Variants in SLC22A11 observed in about 807,000 individuals in gnomAD.
The protein encoded by SLC22A11 is organic anion transporter 4.
In SLC22A11, 42 loss-of-function variants were observed where a neutral mutation model predicts 49.4. The observed-to-expected ratio is 0.85, with a 90% confidence interval of 0.66 to 1.10. SLC22A11 has a LOEUF of 1.10. Ranked by LOEUF, SLC22A11 falls within the 50% of genes least tolerant of loss-of-function variation. The pLI, the probability that SLC22A11 is intolerant of heterozygous loss-of-function variation, is 0.00. For synonymous variants in SLC22A11, 304 were observed against 315.8 expected, an observed-to-expected ratio of 0.96 and a Z score of 0.40; for missense variants, 685 against 731.6, an observed-to-expected ratio of 0.94 and a Z score of 0.74.
chr11:64,568,654 C>A lies in SLC22A11; in HGVS notation c.1274-16C>A. 1 of 1,611,594 alleles carries A rather than the reference C, an allele frequency of 6.2e-7. No individual in the cohort carries two copies. The highest frequency in any genetic ancestry group is 8.5e-7 in the Non-Finnish European group (1 of 1,177,738). ...CTCCAGGGCAAACCCCACTCTCACC[C>A]CCTTCCTGTACCCAGATTTGCAGAC... is the stretch of plus-strand genomic sequence containing the variant. On this transcript the variant is annotated splice_polypyrimidine_tract_variant and intron_variant, in intron 7 of 9. Coordinates refer to ENST00000301891, the MANE Select transcript of SLC22A11 (RefSeq NM_018484.4).
chr11:64,561,610 T>C (rs1426569051), intron 2 of SLC22A11, among the ~76,000 whole-genome samples: 1 of 108,830 alleles, frequency 9.2e-6, no homozygotes, highest in East Asian at 2.2e-4. Flanking sequence ...CTAATTTATT[T>C]ATTTATTTAT....
In SLC22A11 at chr11:64,565,299, C is replaced by G; in HGVS notation, c.1020C>G (p.Pro340=). 1 of 1,550,878 alleles carries G rather than the reference C, an allele frequency of 6.4e-7. No individual in the cohort carries two copies. The highest frequency in any genetic ancestry group is 1.4e-5 in the African/African-American group (1 of 73,170). The stretch of plus-strand genomic sequence containing the variant: ...CGGTGCTGGACCTGTTCTGCGTGCC[C>G]GTGCTCCGCTGGAGGAGCTGCGCCA... ...PRSVLDLFCV[P]VLRWRSCAML... The change falls in exon 6 of 10, where the codon CCC becomes CCG. Residue 340 remains proline, a synonymous_variant. Coordinates refer to ENST00000301891, the MANE Select transcript of SLC22A11 (RefSeq NM_018484.4). This position sits in a 1 kb window ranked among gnomAD's most constrained non-coding sequence, Gnocchi z 4.1.
chr11:64,568,106 C>A (rs2038653420), intron 7 of SLC22A11, among the ~76,000 whole-genome samples: 1 of 152,228 alleles, frequency 6.6e-6, no homozygotes, highest in Non-Finnish European at 1.5e-5. Flanking sequence ...ACGGAGGCGG[C>A]CGGGGCCCTG....
chr11:64,559,259 C>T, intron 2 of SLC22A11, 21 bp downstream of exon 2: 1 of 1,507,228 alleles, frequency 6.6e-7, no homozygotes, highest in Non-Finnish European at 9.0e-7. Context: ...CCGCTCCTCC[C>T]AGCCCCCAGC....
chr11:64,556,430 T>A (rs1469189075), intron 1 of SLC22A11, 38 bp downstream of exon 1: 2 of 1,600,226 alleles, frequency 1.2e-6, no homozygotes, highest in South Asian at 1.1e-5. Context: ...TCCCGTCACC[T>A]TGGAGGTCAG....
rs1394817653 is a variant in SLC22A11 at position 64,565,690 on chromosome 11, G to A, written c.1058+353G>A. ...CCGAGGAGTACCACTGTGTGTCATCGTTAGAGACTTACCACTTTCCTAGAG... is the reference window on the plus strand; with the variant it reads ...CCGAGGAGTACCACTGTGTGTCATCATTAGAGACTTACCACTTTCCTAGAG... On this transcript the variant is annotated intron_variant, in intron 6 of 9. Coordinates refer to ENST00000301891, the MANE Select transcript of SLC22A11 (RefSeq NM_018484.4). This position sits in a 1 kb window ranked among gnomAD's most constrained non-coding sequence, Gnocchi z 4.1. The A allele has an allele frequency of 5.1e-6, 2 of 391,450 alleles. No homozygotes were observed. The highest frequency in any genetic ancestry group is 5.0e-6 in the Non-Finnish European group (1 of 198,614). The allele number at this position is 391,450 out of a possible 1,614,324, so 24.2% of individuals were successfully genotyped here. A position where few individuals can be genotyped will look rare whatever the true frequency, so the allele number is the denominator to read the frequency against.
Position 64,556,220 on chromosome 11 carries a change from T to C in SLC22A11, c.221T>C (p.Ile74Thr), listed in dbSNP as rs758299396. 3 of 1,613,746 alleles carry C rather than the reference T, an allele frequency of 1.9e-6. No individual in the cohort carries two copies. The highest frequency in any genetic ancestry group is 2.5e-6 in the Non-Finnish European group (3 of 1,179,978). ...MTPKALLTIS[I>T]PPGPNQGPHQ... ...CCCAAGGCCCTTCTGACCATCTCCA[T>C]CCCGCCAGGCCCCAACCAGGGGCCC... Residue 74 changes from isoleucine (I) to threonine (T), a missense_variant, in exon 1 of 10, where the codon ATC becomes ACC. Physicochemically the swap from Ile to Thr is moderately conservative, Grantham distance 89 (BLOSUM62 -1). Transcript: ENST00000301891.
At chr11:64,568,164 A>G (rs1481047665) in intron 7 of SLC22A11, among the ~76,000 whole-genome samples, 1 of 152,218 alleles carries the variant, frequency 6.6e-6, no homozygotes, top group Non-Finnish European at 1.5e-5. Flanking sequence ...GCTGCGAGGA[A>G]ACTGACAACG....
chr11:64,556,077 C>T lies in SLC22A11; in HGVS notation c.78C>T (p.Leu26=), dbSNP rs753143248. 7.4e-6 allele frequency: 12 copies of T among 1,614,096 alleles called. No individual in the cohort carries two copies. Among genetic ancestry groups the T allele is most frequent in the Non-Finnish European group, 9.3e-6 (11 of 1,180,044 alleles). ...CCCTGCAGGTGCTCACCTTCATCCT[C>T]CCCTGCCTCATGATACCTTCCCAGA... The part of the protein sequence containing the change: ...FQTLQVLTFI[L]PCLMIPSQML... Residue 26 remains leucine, a synonymous_variant, in exon 1 of 10, where the codon CTC becomes CTT. Transcript: ENST00000301891.
At position 64,572,584 on chromosome 11, in the gene SLC22A11, C is replaced by T. The variant is rs570376746; in HGVS notation, c.*1542C>T. On this transcript the variant is annotated 3_prime_UTR_variant, in exon 10 of 10. Coordinates refer to ENST00000301891, the MANE Select transcript of SLC22A11 (RefSeq NM_018484.4). ...TCCCAAATCCACCTACTTCCCTTCACTCTGGCTACACCCTGGTTCACACCA... is the reference window on the plus strand; with the variant it reads ...TCCCAAATCCACCTACTTCCCTTCATTCTGGCTACACCCTGGTTCACACCA... 312 of 152,620 alleles carry T rather than the reference C, an allele frequency of 2.0e-3. 4 individuals are homozygous for T. Among genetic ancestry groups the T allele is most frequent in the Non-Finnish European group, 3.0e-3 (208 of 68,246 alleles). 9.5% of individuals were successfully genotyped at this position (152,620 alleles called of 1,614,324 possible). A position where few individuals can be genotyped will look rare whatever the true frequency, so the allele number is the denominator to read the frequency against.
rs575504279 is a variant in SLC22A11 at position 64,564,486 on chromosome 11, T to C, written c.942+58T>C. ...GGACAGGACGTGCACTGAGGGATCA[T>C]CCGTGTGGCCTCCAACAGCACCACC... On this transcript the variant is annotated intron_variant, in intron 5 of 9. Coordinates refer to ENST00000301891, the MANE Select transcript of SLC22A11 (RefSeq NM_018484.4). The surrounding 1 kb of genome is among the most constrained non-coding windows in gnomAD (Gnocchi z 4.2). 28 of 1,592,068 alleles carry C rather than the reference T, an allele frequency of 1.8e-5. No homozygotes were observed. Among genetic ancestry groups the C allele is most frequent in the Non-Finnish European group, 2.4e-5 (28 of 1,166,080 alleles).
At position 64,565,398 on chromosome 11, in the gene SLC22A11, G is replaced by C; in HGVS notation, c.1058+61G>C. 7.2e-7 allele frequency: 1 copy of C among 1,383,782 alleles called. No individual in the cohort carries two copies. Among genetic ancestry groups the C allele is most frequent in the Non-Finnish European group, 9.9e-7 (1 of 1,006,014 alleles). The allele number at this position is 1,383,782 out of a possible 1,614,324, so 85.7% of individuals were successfully genotyped here. A position where few individuals can be genotyped will look rare whatever the true frequency, so the allele number is the denominator to read the frequency against. Reference sequence around the variant, plus strand: ...TGGGACAGGCAGGAGGCAGAGCTGGGACAGGCAGGAGGCAGAGCGTCCAGG... The same window carrying C: ...TGGGACAGGCAGGAGGCAGAGCTGGCACAGGCAGGAGGCAGAGCGTCCAGG... On this transcript the variant is annotated intron_variant, in intron 6 of 9. Coordinates refer to ENST00000301891, the MANE Select transcript of SLC22A11 (RefSeq NM_018484.4). The surrounding 1 kb of genome is among the most constrained non-coding windows in gnomAD (Gnocchi z 4.1).
chr11:64,558,061 G>T (rs2038488478), intron 1 of SLC22A11, among the ~76,000 whole-genome samples: 1 of 152,144 alleles, frequency 6.6e-6, no homozygotes, highest in African/African-American at 2.4e-5. Context: ...GCCTCCCAAA[G>T]TGCTGGGATT....
intron 7 of SLC22A11, 37 bp from the exon 8 acceptor site, chr11:64,568,633 A>C (rs1478254514): frequency 6.3e-7 from 1 of 1,579,416 alleles, no homozygotes. Context: ...GGTACCCTCC[A>C]GGGCAAACCC....
At position 64,559,785 on chromosome 11, in the gene SLC22A11, C is replaced by T. The variant is rs1053212113; in HGVS notation, c.497+547C>T. On this transcript the variant is annotated intron_variant, in intron 2 of 9. Coordinates refer to ENST00000301891, the MANE Select transcript of SLC22A11 (RefSeq NM_018484.4). ...GGACACAGGTAAGTAAGTCAGGCCA[C>T]CTTGGAACGTGAGGCCGGTTAGGGG... Among the ~76,000 whole-genome samples, 33 of 152,180 alleles carry T rather than the reference C, an allele frequency of 2.2e-4. 2 individuals are homozygous for T. Among genetic ancestry groups the T allele is most frequent in the Admixed American group, 2.0e-3 (31 of 15,284 alleles).
chr11:64,565,167 G>A lies in SLC22A11; in HGVS notation c.943-55G>A. 3.0e-6 allele frequency: 4 copies of A among 1,339,874 alleles called. No individual in the cohort carries two copies. In the South Asian group the frequency reaches 5.6e-5, roughly 19 times the overall value. The allele number at this position is 1,339,874 out of a possible 1,614,324, so 83.0% of individuals were successfully genotyped here. On this transcript the variant is annotated intron_variant, in intron 5 of 9. Coordinates refer to ENST00000301891, the MANE Select transcript of SLC22A11 (RefSeq NM_018484.4). This position sits in a 1 kb window ranked among gnomAD's most constrained non-coding sequence, Gnocchi z 4.1. ...CTTGGACACTGTTCTCTGGCACAGG[G>A]GGTGGGGCAGGGCCATTGCCCTACC...
At position 64,564,229 on chromosome 11, in the gene SLC22A11, C is replaced by T. The variant is rs528974895; in HGVS notation, c.822-79C>T. On this transcript the variant is annotated intron_variant, in intron 4 of 9. Transcript: ENST00000301891. The surrounding 1 kb of genome is among the most constrained non-coding windows in gnomAD (Gnocchi z 4.2). ...CATCACTCATCTCAGCTGGAGGGTC[C>T]GTGCCCACTGCCCCTTTCCACCCCG... is the stretch of plus-strand genomic sequence containing the variant. 3.5e-4 allele frequency: 540 copies of T among 1,562,102 alleles called. 3 individuals are homozygous for T. In the African/African-American group the frequency reaches 6.7e-3, roughly 19 times the overall value.
Position 64,569,791 on chromosome 11 carries a change from G to A in SLC22A11, c.1522G>A (p.Val508Met), listed in dbSNP as rs1301755867. 4 of 1,614,114 alleles carry A rather than the reference G, an allele frequency of 2.5e-6. No homozygotes were observed. Among genetic ancestry groups the A allele is most frequent in the Non-Finnish European group, 2.5e-6 (3 of 1,180,046 alleles). The part of the protein sequence containing the change: ...GVISIASSLV[V>M]LFFLPETQGL... ...TATCTCCATTGCTTCCAGCCTGGTT[G>A]TGCTGTTCTTCCTCCCGGAGACCCA... is the stretch of plus-strand genomic sequence containing the variant. The change falls in exon 9 of 10, where the codon GTG (valine) becomes ATG (methionine). Residue 508 changes from valine to methionine, a missense_variant. Physicochemically the swap from Val to Met is conservative, Grantham distance 21 (BLOSUM62 1). Transcript: ENST00000301891.
intron 1 of SLC22A11, among the ~76,000 whole-genome samples, chr11:64,557,054 G>A (rs1659415558): frequency 1.3e-5 from 2 of 152,166 alleles, no homozygotes. Context: ...ACTTCAAGAA[G>A]CATCCATTCC....
Sources: gnomAD v4.1 joint callset for allele counts (sites outside exome capture counted in the v4.1 genomes callset) on GRCh38, gnomAD v4.1.1 for gene constraint, Gnocchi (gnomAD v3.1) non-coding constraint, MANE v1.5 for transcripts, NCBI Gene and HGNC (gene_info 2026-07-23, HGNC 2026-07-21) for gene names.